DYNC1I2: variants seen among roughly 807,000 people sequenced by gnomAD.
DYNC1I2 encodes the protein dynein cytoplasmic 1 intermediate chain 2.
In DYNC1I2, 53 loss-of-function variants were observed where a neutral mutation model predicts 88.6. The ratio of observed to expected loss-of-function variants is 0.60; its 90% CI spans 0.48 to 0.75. DYNC1I2 has a LOEUF of 0.75. DYNC1I2 is among the 30% of genes least tolerant of loss of function. The pLI, the probability that DYNC1I2 is intolerant of heterozygous loss-of-function variation, is 0.00. For missense variants in DYNC1I2, 458 were observed against 766.6 expected, an observed-to-expected ratio of 0.60 and a Z score of 4.75; for synonymous variants, 198 against 254.6, an observed-to-expected ratio of 0.78 and a Z score of 2.12.
intron 12 of DYNC1I2, 130 bp downstream of exon 12, chr2:171,728,097 A>G: frequency 8.5e-7 from 1 of 1,179,452 alleles, no homozygotes. Flanking sequence ...CCATTTAGCA[A>G]CCAAGAATGA....
At chr2:171,698,053 C>T (rs1685919556) in intron 3 of DYNC1I2, among the ~76,000 whole-genome samples, 1 of 152,166 alleles carries the variant, frequency 6.6e-6, no homozygotes, top group East Asian at 1.9e-4. Context: ...TCATAATTAG[C>T]CCCTTGTGAC....
intron 2 of DYNC1I2, 142 bp from the exon 3 acceptor site, chr2:171,692,635 G>T: frequency 5.4e-6 from 3 of 553,400 alleles, no homozygotes; most frequent in Non-Finnish European, 9.7e-6. Context: ...TTCATTTAAT[G>T]ACTATAAAAA....
intron 1 of DYNC1I2, 196 bp downstream of exon 1, chr2:171,687,823 T>A (rs931042416): frequency 6.1e-4 from 93 of 152,948 alleles, no homozygotes; most frequent in African/African-American, 2.2e-3. Flanking sequence ...CGAGGGACGT[T>A]ACCGGGAAGT....
chr2:171,736,836 A>G (rs1343772681), intron 15 of DYNC1I2, among the ~76,000 whole-genome samples: 1 of 152,192 alleles, frequency 6.6e-6, no homozygotes, highest in Admixed American at 6.5e-5. Flanking sequence ...AATTGATGAC[A>G]TATTTATTTC....
intron 5 of DYNC1I2, among the ~76,000 whole-genome samples, chr2:171,710,464 C>T (rs567803317): frequency 1.3e-5 from 2 of 152,258 alleles, no homozygotes; most frequent in South Asian, 2.1e-4. Flanking sequence ...TTAATACACT[C>T]AGGGAGTAGG....
chr2:171,697,942 T>A (rs577126753), intron 3 of DYNC1I2, among the ~76,000 whole-genome samples: 1 of 152,342 alleles, frequency 6.6e-6, no homozygotes, highest in East Asian at 1.9e-4. Flanking sequence ...ATAAGTGATG[T>A]TGTGTCCTTC....
intron 5 of DYNC1I2, among the ~76,000 whole-genome samples, chr2:171,710,120 TATACACACACACACACACACACAC>T (rs1284080199): frequency 6.8e-4 from 65 of 95,772 alleles, no homozygotes; most frequent in East Asian, 1.2e-3. Context: ...TTTATGTATA[TATACACACACACACACACACACAC>T]ACACACACAC....
At chr2:171,708,230 C>T (rs886408038) in intron 5 of DYNC1I2, among the ~76,000 whole-genome samples, 1 of 152,052 alleles carries the variant, frequency 6.6e-6, no homozygotes, top group Non-Finnish European at 1.5e-5. Flanking sequence ...TCTTAACACA[C>T]CTTTTAATAA....
At chr2:171,736,198 A>G (rs1466502000) in intron 15 of DYNC1I2, among the ~76,000 whole-genome samples, 3 of 152,192 alleles carry the variant, frequency 2.0e-5, no homozygotes, top group African/African-American at 4.8e-5. Flanking sequence ...AAGGCTGCCT[A>G]TTCATCTGGA....
At chr2:171,746,684 T>G (rs748992288) in intron 17 of DYNC1I2, among the ~76,000 whole-genome samples, 5 of 152,182 alleles carry the variant, frequency 3.3e-5, no homozygotes, top group Non-Finnish European at 7.3e-5. Context: ...TAGCCACATA[T>G]GGCTATTGAA....
intron 2 of DYNC1I2, among the ~76,000 whole-genome samples, chr2:171,690,603 G>A (rs1235680280): frequency 6.6e-6 from 1 of 150,998 alleles, no homozygotes; most frequent in Non-Finnish European, 1.5e-5. Context: ...TAGTCTCCTA[G>A]GAATATATTT....
In DYNC1I2 at chr2:171,747,990, T is replaced by C. The variant is rs532813216; in HGVS notation, c.*101T>C. On this transcript the variant is annotated 3_prime_UTR_variant, in exon 18 of 18. Coordinates refer to ENST00000397119, the MANE Select transcript of DYNC1I2 (RefSeq NM_001378.3). ...TGTCTAAATGATAATTAAAAGGAAATTTCATGGATTAAACCATGGGTTTAA... is the reference window on the plus strand; with the variant it reads ...TGTCTAAATGATAATTAAAAGGAAACTTCATGGATTAAACCATGGGTTTAA... The C allele has an allele frequency of 1.1e-4, 84 of 780,240 alleles. No homozygotes were observed. The African/African-American group carries it at 1.5e-3, about 14-fold the overall frequency. The allele number at this position is 780,240 out of a possible 1,614,324, so 48.3% of individuals were successfully genotyped here. A position where few individuals can be genotyped will look rare whatever the true frequency, so the allele number is the denominator to read the frequency against.
chr2:171,726,084 A>G lies in DYNC1I2; in HGVS notation c.770+3A>G, dbSNP rs1473162037. The G allele has an allele frequency of 6.4e-7, 1 of 1,573,972 alleles. No individual in the cohort carries two copies. Among genetic ancestry groups the G allele is most frequent in the South Asian group, 1.2e-5 (1 of 83,446 alleles). Reference sequence around the variant, plus strand: ...AGAGATTTGGAAGACAAAGAAGGGTAATGTTTAGTTGCTAAGATTTTTAGC... The same window carrying G: ...AGAGATTTGGAAGACAAAGAAGGGTGATGTTTAGTTGCTAAGATTTTTAGC... On this transcript the variant is annotated splice_donor_region_variant and intron_variant, in intron 9 of 17. Coordinates refer to ENST00000397119, the MANE Select transcript of DYNC1I2 (RefSeq NM_001378.3).
intron 7 of DYNC1I2, among the ~76,000 whole-genome samples, chr2:171,723,592 A>G (rs889813740): frequency 6.6e-6 from 1 of 152,124 alleles, no homozygotes; most frequent in Admixed American, 6.6e-5. Flanking sequence ...CAGATTAATA[A>G]TTCGTTGTAT....
At position 171,747,952 on chromosome 2, in the gene DYNC1I2, A is replaced by G. The variant is rs201707985; in HGVS notation, c.*63A>G. Reference sequence around the variant, plus strand: ...AGGTTCTTAAGTAGATCCTGAGACTATTTGCATGCTTCTGTCTAAATGATA... The same window carrying G: ...AGGTTCTTAAGTAGATCCTGAGACTGTTTGCATGCTTCTGTCTAAATGATA... On this transcript the variant is annotated 3_prime_UTR_variant, in exon 18 of 18. Transcript: ENST00000397119. 2.0e-5 allele frequency: 24 copies of G among 1,175,876 alleles called. 1 individual carries two copies. In the South Asian group the frequency reaches 2.7e-4, roughly 13 times the overall value. The allele number at this position is 1,175,876 out of a possible 1,614,324, so 72.8% of individuals were successfully genotyped here. A position where few individuals can be genotyped will look rare whatever the true frequency, so the allele number is the denominator to read the frequency against.
chr2:171,706,522 C>T, intron 3 of DYNC1I2, 25 bp from the exon 4 acceptor site: 1 of 1,604,260 alleles, frequency 6.2e-7, no homozygotes, highest in Non-Finnish European at 8.5e-7. Flanking sequence ...TTTTGGGTGT[C>T]TGTATCTTTG....
Position 171,705,069 on chromosome 2 carries a change from T to TATAATTATTTTGTGATTCAC in DYNC1I2, c.227-1471_227-1470insTTTTGTGATTCACATAATTA, listed in dbSNP as rs1686575114. 2.0e-5 allele frequency among the ~76,000 whole-genome samples: 3 copies of TATAATTATTTTGTGATTCAC among 152,258 alleles called. No homozygotes were observed. In the South Asian group the frequency reaches 6.2e-4, roughly 32 times the overall value. On this transcript the variant is annotated intron_variant, in intron 3 of 17. Coordinates refer to ENST00000397119, the MANE Select transcript of DYNC1I2 (RefSeq NM_001378.3). ...GATAGTTCTGGGATGGAGATATTTATATAATTACAAATGTGAAGTCACTGT... is the reference window on the plus strand; with the variant it reads ...GATAGTTCTGGGATGGAGATATTTATATAATTATTTTGTGATTCACATAATTACAAATGTGAAGTCACTGT...
intron 15 of DYNC1I2, among the ~76,000 whole-genome samples, chr2:171,737,160 T>C (rs1689065041): frequency 6.6e-6 from 1 of 152,226 alleles, no homozygotes; most frequent in African/African-American, 2.4e-5. Flanking sequence ...TGCTGTTTCA[T>C]TGACTTGCAG....
At chr2:171,730,622 C>T (rs960994063) in intron 15 of DYNC1I2, among the ~76,000 whole-genome samples, 6 of 152,102 alleles carry the variant, frequency 3.9e-5, no homozygotes, top group Non-Finnish European at 8.8e-5. Context: ...ACTTTGCTGT[C>T]TAGTTTTTCT....
Sources: gnomAD v4.1 joint callset for allele counts (sites outside exome capture counted in the v4.1 genomes callset) on GRCh38, gnomAD v4.1.1 for gene constraint, MANE v1.5 for transcripts, NCBI Gene and HGNC (gene_info 2026-07-23, HGNC 2026-07-21) for gene names.